FRMPD4: variants seen among roughly 807,000 people sequenced by gnomAD.
FRMPD4 encodes FERM and PDZ domain containing 4.
FRMPD4 carries 22 observed loss-of-function variants against 94.1 expected under a neutral mutation model. That is an observed-to-expected ratio of 0.23 (90% confidence interval 0.17 to 0.33). The LOEUF (loss-of-function observed/expected upper bound fraction) is 0.33, where lower values mean the gene tolerates loss of function less well. Among genes scored for constraint, FRMPD4 ranks in the 10% least tolerant of loss-of-function variants. FRMPD4 has a pLI of 1.00. For synonymous variants in FRMPD4, 631 were observed against 548.6 expected (o/e 1.15, Z -2.10); for missense variants, 1,111 against 1,339.9 (o/e 0.83, Z 2.67).
chrX:12,626,331 A>AG (rs1292942425), intron 4 of FRMPD4, among the ~76,000 whole-genome samples: 3 of 108,611 alleles, frequency 2.8e-5, no homozygotes, highest in Non-Finnish European at 5.7e-5. Flanking sequence ...TCTCAAAAAA[A>AG]AAAAAAAATC....
intron 1 of FRMPD4, among the ~76,000 whole-genome samples, chrX:12,254,610 T>C (rs1417904141): frequency 1.8e-5 from 2 of 112,131 alleles, no homozygotes; most frequent in Non-Finnish European, 3.8e-5. Context: ...CACTAGACTG[T>C]CTCCTTGTCC....
chrX:12,277,409 G>A (rs189837101), intron 1 of FRMPD4, among the ~76,000 whole-genome samples: 54 of 112,010 alleles, frequency 4.8e-4, no homozygotes, highest in Non-Finnish European at 6.6e-4. Flanking sequence ...TACTGAACTG[G>A]ACAAAGAATA....
At chrX:11,945,848 C>T (rs777994672) in intron 3 of FRMPD4, among the ~76,000 whole-genome samples, 2 of 111,790 alleles carry the variant, frequency 1.8e-5, no homozygotes, top group Non-Finnish European at 3.8e-5. Context: ...CACACTTCAA[C>T]GTGAGATTTG....
chrX:12,036,835 GTAT>G (rs1350225053), intron 3 of FRMPD4, among the ~76,000 whole-genome samples: 4 of 111,951 alleles, frequency 3.6e-5, no homozygotes, highest in Non-Finnish European at 7.5e-5. Flanking sequence ...TGATTTGGAA[GTAT>G]TATTATGTGC....
chrX:12,268,821 T>C (rs914649439), intron 1 of FRMPD4, among the ~76,000 whole-genome samples: 12 of 112,250 alleles, frequency 1.1e-4, no homozygotes, highest in African/African-American at 3.9e-4. Flanking sequence ...TCTTAAAGAT[T>C]CCTACGTTTC....
intron 2 of FRMPD4, among the ~76,000 whole-genome samples, chrX:12,541,823 T>G (rs916324964): frequency 1.8e-5 from 2 of 111,824 alleles, no homozygotes; most frequent in African/African-American, 6.5e-5. Context: ...CTGATGAACA[T>G]TGATGCAAAA....
chrX:12,567,832 C>T lies in FRMPD4; in HGVS notation c.159-41889C>T, dbSNP rs59954234. On this transcript the variant is annotated intron_variant, in intron 2 of 16. Transcript: ENST00000675598. ...CTGTATGCTACCAGAAAACCCTGAA[C>T]TTTTTTCCTATATGCATTTTGAGCC... 4.2e-3 allele frequency among the ~76,000 whole-genome samples: 467 copies of T among 111,684 alleles called. 2 individuals carry two copies. The highest frequency in any genetic ancestry group is 0.015 in the African/African-American group (446 of 30,702).
At chrX:12,271,674 CTT>C (rs1429551654) in intron 1 of FRMPD4, among the ~76,000 whole-genome samples, 1 of 112,062 alleles carries the variant, frequency 8.9e-6, no homozygotes, top group Non-Finnish European at 1.9e-5. Flanking sequence ...AATTTTGTGA[CTT>C]TGGCTTCTCA....
At chrX:11,926,409 G>T (rs1342802498) in intron 3 of FRMPD4, among the ~76,000 whole-genome samples, 2 of 110,792 alleles carry the variant, frequency 1.8e-5, no homozygotes, top group African/African-American at 6.6e-5. Flanking sequence ...ATTATATGAG[G>T]CCAGCATCAT....
chrX:11,903,720 T>C (rs1462452330), intron 3 of FRMPD4, among the ~76,000 whole-genome samples: 2 of 112,509 alleles, frequency 1.8e-5, no homozygotes, highest in Non-Finnish European at 3.8e-5. Flanking sequence ...CTTTTGTCTT[T>C]TTAAAAAATG....
intron 1 of FRMPD4, among the ~76,000 whole-genome samples, chrX:12,316,141 C>T (rs1263736291): frequency 9.0e-6 from 1 of 111,197 alleles, no homozygotes; most frequent in African/African-American, 3.3e-5. Context: ...TGTCCATTTC[C>T]AGATTTTTAT....
intron 3 of FRMPD4, among the ~76,000 whole-genome samples, chrX:12,033,888 G>A (rs1428264109): frequency 9.0e-6 from 1 of 111,487 alleles, no homozygotes; most frequent in African/African-American, 3.3e-5. Flanking sequence ...GTAGAGACGG[G>A]ATTTCTTCAT....
At chrX:12,511,376 C>A (rs2058040625) in intron 2 of FRMPD4, among the ~76,000 whole-genome samples, 1 of 111,884 alleles carries the variant, frequency 8.9e-6, no homozygotes, top group South Asian at 3.7e-4. Context: ...AAATGGAACA[C>A]AGATAAACAA....
At chrX:12,565,159 T>C (rs753691925) in intron 2 of FRMPD4, among the ~76,000 whole-genome samples, 2 of 111,044 alleles carry the variant, frequency 1.8e-5, no homozygotes, top group African/African-American at 6.5e-5. Flanking sequence ...CATACTGATA[T>C]AAATAAATGA....
At chrX:12,515,187 A>T (rs1298397879) in intron 2 of FRMPD4, among the ~76,000 whole-genome samples, 1 of 110,918 alleles carries the variant, frequency 9.0e-6, no homozygotes, top group Non-Finnish European at 1.9e-5. Context: ...ATGTGTTTTC[A>T]TGTCTCTATC....
At chrX:12,638,823 A>ACCAGCCAGTACGG (rs2059466809) in intron 4 of FRMPD4, among the ~76,000 whole-genome samples, 1 of 109,939 alleles carries the variant, frequency 9.1e-6, no homozygotes, top group Admixed American at 9.7e-5. Flanking sequence ...AGCCAGTACG[A>ACCAGCCAGTACGG]GTGCTACCTG....
intron 2 of FRMPD4, among the ~76,000 whole-genome samples, chrX:12,543,682 T>G (rs1247509845): frequency 1.8e-5 from 2 of 111,873 alleles, no homozygotes; most frequent in East Asian, 5.6e-4. Flanking sequence ...AGTGTGGCAA[T>G]TCCTCAAGGA....
chrX:12,479,449 T>TACAC (rs1569293662), intron 1 of FRMPD4, among the ~76,000 whole-genome samples: 71 of 101,790 alleles, frequency 7.0e-4, no homozygotes, highest in African/African-American at 2.3e-3. Context: ...CATATATGTA[T>TACAC]ATATATGTAT....
At chrX:12,286,171 GCA>G (rs1311645881) in intron 1 of FRMPD4, among the ~76,000 whole-genome samples, 2 of 111,560 alleles carry the variant, frequency 1.8e-5, no homozygotes, top group Non-Finnish European at 3.8e-5. Flanking sequence ...ATACACACAT[GCA>G]CACACACACA....
Sources: gnomAD v4.1 joint callset for allele counts (sites outside exome capture counted in the v4.1 genomes callset) on GRCh38, gnomAD v4.1.1 for gene constraint, MANE v1.5 for transcripts, NCBI Gene and HGNC (gene_info 2026-07-23, HGNC 2026-07-21) for gene names.